The following RAB38 variants were observed in gnomAD, a reference collection of about 807,000 sequenced individuals.
RAB38 encodes the protein RAB38, member RAS oncogene family.
In RAB38, 15 loss-of-function variants were observed where a neutral mutation model predicts 18.4. That is an observed-to-expected ratio of 0.82 (90% confidence interval 0.55 to 1.26). The LOEUF (loss-of-function observed/expected upper bound fraction) is 1.26. RAB38 is among the 50% of genes most tolerant of loss of function. The pLI is 0.00. For synonymous variants in RAB38, 101 were observed against 104.4 expected, an observed-to-expected ratio of 0.97 and a Z score of 0.20; for missense variants, 294 against 267.4, an observed-to-expected ratio of 1.10 and a Z score of -0.69.
the RAB38 span, among the ~76,000 whole-genome samples, chr11:87,833,140 G>A: frequency 6.6e-6 from 1 of 152,024 alleles, no homozygotes; most frequent in African/African-American, 2.4e-5. Flanking sequence ...AAAATGTGTT[G>A]CTCAGTTCCT....
At chr11:87,946,569 T>C in the RAB38 span, among the ~76,000 whole-genome samples, 1 of 149,854 alleles carries the variant, frequency 6.7e-6, no homozygotes, top group Non-Finnish European at 1.5e-5. Context: ...GTCCCCGGTG[T>C]GTGATGTTCC....
chr11:88,078,920 A>G, the RAB38 span, among the ~76,000 whole-genome samples: 2 of 151,960 alleles, frequency 1.3e-5, no homozygotes, highest in Non-Finnish European at 1.5e-5. Flanking sequence ...ATTTAAGGTA[A>G]TGAATTTCAT....
chr11:88,096,801 A>T, the RAB38 span, among the ~76,000 whole-genome samples: 94 of 151,970 alleles, frequency 6.2e-4, no homozygotes, highest in East Asian at 0.016. Context: ...CTATATTTTT[A>T]AATTTTAAAA....
At chr11:87,858,103 C>A in the RAB38 span, among the ~76,000 whole-genome samples, 1 of 152,136 alleles carries the variant, frequency 6.6e-6, no homozygotes, top group Non-Finnish European at 1.5e-5. Flanking sequence ...TTTCCCAGCA[C>A]CATTTATTAA....
At chr11:87,913,861 C>G in the RAB38 span, among the ~76,000 whole-genome samples, 2 of 152,114 alleles carry the variant, frequency 1.3e-5, no homozygotes, top group African/African-American at 4.8e-5. Flanking sequence ...ACACTCTGTG[C>G]TACCTCAGGA....
the RAB38 span, among the ~76,000 whole-genome samples, chr11:87,966,284 C>G: frequency 6.6e-6 from 1 of 152,020 alleles, no homozygotes; most frequent in Admixed American, 6.6e-5. Context: ...TTTTGTGCCA[C>G]AAGAACATTG....
chr11:87,951,406 T>C, the RAB38 span, among the ~76,000 whole-genome samples: 1 of 152,348 alleles, frequency 6.6e-6, no homozygotes, highest in South Asian at 2.1e-4. Context: ...TCAAAGTCAT[T>C]CTCCATCCAG....
chr11:88,042,185 C>A, the RAB38 span, among the ~76,000 whole-genome samples: 1 of 151,990 alleles, frequency 6.6e-6, no homozygotes, highest in Non-Finnish European at 1.5e-5. Flanking sequence ...CATAGACTTC[C>A]TAGGAAAAGG....
At chr11:88,051,616 G>A in the RAB38 span, among the ~76,000 whole-genome samples, 1 of 151,940 alleles carries the variant, frequency 6.6e-6, no homozygotes, top group Non-Finnish European at 1.5e-5. Flanking sequence ...AAAACAAGGA[G>A]AATCTCAACT....
intron 1 of RAB38, among the ~76,000 whole-genome samples, chr11:88,154,937 C>T (rs1379067795): frequency 6.6e-6 from 1 of 152,222 alleles, no homozygotes; most frequent in Non-Finnish European, 1.5e-5. Context: ...GCCATCCCAC[C>T]CCTCCTGTGC....
At chr11:87,854,678 TTAAAA>T in the RAB38 span, among the ~76,000 whole-genome samples, 1 of 152,102 alleles carries the variant, frequency 6.6e-6, no homozygotes, top group African/African-American at 2.4e-5. Context: ...ATAAAAATGT[TTAAAA>T]TAAAACATCT....
the RAB38 span, among the ~76,000 whole-genome samples, chr11:87,937,153 T>C: frequency 6.6e-6 from 1 of 151,632 alleles, no homozygotes; most frequent in African/African-American, 2.4e-5. Context: ...CTGACATTAT[T>C]ATCTGAATGA....
At chr11:88,073,029 C>T in the RAB38 span, among the ~76,000 whole-genome samples, 1 of 152,144 alleles carries the variant, frequency 6.6e-6, no homozygotes, top group Admixed American at 6.5e-5. Flanking sequence ...CTCCAATCTG[C>T]TTGGCACCAA....
chr11:87,891,284 AC>A, the RAB38 span, among the ~76,000 whole-genome samples: 2 of 151,976 alleles, frequency 1.3e-5, no homozygotes, highest in African/African-American at 4.8e-5. Flanking sequence ...CAAAAAAGGA[AC>A]TTTACAATCT....
At chr11:87,839,110 C>CGAAA in the RAB38 span, among the ~76,000 whole-genome samples, 3 of 152,090 alleles carry the variant, frequency 2.0e-5, no homozygotes, top group African/African-American at 7.2e-5. Context: ...AGGAGCCTAG[C>CGAAA]GAAAGATCCT....
At chr11:88,143,502 T>C (rs888547888) in intron 2 of RAB38, among the ~76,000 whole-genome samples, 1 of 152,230 alleles carries the variant, frequency 6.6e-6, no homozygotes, top group African/African-American at 2.4e-5. Flanking sequence ...GGGCAGGCCA[T>C]ATTTGGCCCA....
the RAB38 span, among the ~76,000 whole-genome samples, chr11:87,806,516 C>T: frequency 1.3e-5 from 2 of 152,126 alleles, no homozygotes; most frequent in African/African-American, 4.8e-5. Flanking sequence ...TCTGGTTCAA[C>T]ATATGAATTT....
chr11:88,045,797 G>A, the RAB38 span, among the ~76,000 whole-genome samples: 22 of 152,094 alleles, frequency 1.4e-4, no homozygotes, highest in African/African-American at 5.1e-4. Flanking sequence ...TCTTTTCAAG[G>A]GCCTGTTTCC....
intron 2 of RAB38, among the ~76,000 whole-genome samples, chr11:88,136,391 G>A (rs749155363): frequency 6.6e-6 from 1 of 152,162 alleles, no homozygotes; most frequent in African/African-American, 2.4e-5. Flanking sequence ...ACACATCAGA[G>A]AAGGCAAAGG....
Sources: allele counts gnomAD v4.1 joint callset (sites outside exome capture counted in the v4.1 genomes callset), GRCh38; gene constraint gnomAD v4.1.1; transcripts MANE v1.5; gene names NCBI Gene and HGNC (gene_info 2026-07-23, HGNC 2026-07-21).